Variants in PROCR observed in about 807,000 individuals in gnomAD.
PROCR encodes the protein endothelial protein C receptor.
A neutral mutation model predicts 24.2 loss-of-function variants in PROCR; 22 were observed. The ratio of observed to expected loss-of-function variants is 0.91; its 90% CI spans 0.65 to 1.30. PROCR has a LOEUF of 1.30. Among genes scored for constraint, PROCR ranks in the 50% most tolerant of loss-of-function variants. The pLI is 0.00. For synonymous variants in PROCR, 137 were observed against 139.2 expected, an observed-to-expected ratio of 0.98 and a Z score of 0.11; for missense variants, 288 against 307.7, an observed-to-expected ratio of 0.94 and a Z score of 0.48.
intron 1 of PROCR, 119 bp downstream of exon 1, chr20:35,172,343 ATC>A (rs2085959541): frequency 1.6e-6 from 2 of 1,268,484 alleles, no homozygotes; most frequent in East Asian, 4.7e-5. Context: ...AGCTGGCTAG[ATC>A]TCTCTACAGG....
chr20:35,176,425 A>G lies in PROCR; in HGVS notation c.580A>G (p.Ile194Val), dbSNP rs1338926717. The G allele has an allele frequency of 1.2e-6, 2 of 1,614,020 alleles. No individual in the cohort carries two copies. Among genetic ancestry groups the G allele is most frequent in the East Asian group, 2.2e-5 (1 of 44,876 alleles). ...CTGTGTGCAGTATGTGCAGAAACATATTTCCGCGGAAAACACGAAAGGTAT... is the reference window on the plus strand; with the variant it reads ...CTGTGTGCAGTATGTGCAGAAACATGTTTCCGCGGAAAACACGAAAGGTAT... ...DTCVQYVQKH[I>V]SAENTKGSQT... The change falls in exon 3 of 4, where the codon ATT (isoleucine) becomes GTT (valine). Residue 194 changes from isoleucine to valine, a missense_variant. Transcript: ENST00000216968.
intron 1 of PROCR, among the ~76,000 whole-genome samples, chr20:35,215,568 T>A (rs1347315872): frequency 1.3e-5 from 2 of 151,786 alleles, no homozygotes; most frequent in Non-Finnish European, 2.9e-5. Context: ...TTCTGAGTAA[T>A]GTTTACAGAA....
At chr20:35,192,564 C>T (rs2086182731) in intron 1 of PROCR, among the ~76,000 whole-genome samples, 1 of 152,102 alleles carries the variant, frequency 6.6e-6, no homozygotes, top group African/African-American at 2.4e-5. Context: ...TTTAGCTTCC[C>T]TATCTTAGTG....
At chr20:35,181,025 C>T (rs1365314181), downstream of PROCR, among the ~76,000 whole-genome samples, 1 of 151,952 alleles carries the variant, frequency 6.6e-6, no homozygotes, top group East Asian at 1.9e-4. Context: ...TGCCACCACG[C>T]CCGGCTAATT....
intron 1 of PROCR, among the ~76,000 whole-genome samples, chr20:35,212,616 T>C (rs549882746): frequency 1.4e-4 from 22 of 152,356 alleles, no homozygotes; most frequent in African/African-American, 5.0e-4. Context: ...TTCTTCCCAG[T>C]GTATTCCTCA....
At chr20:35,211,045 G>A (rs2060361056) in intron 1 of PROCR, among the ~76,000 whole-genome samples, 1 of 152,104 alleles carries the variant, frequency 6.6e-6, no homozygotes, top group South Asian at 2.1e-4. Context: ...CTACAATTAT[G>A]AAGAAAAAGT....
intron 1 of PROCR, among the ~76,000 whole-genome samples, chr20:35,191,933 C>G (rs2086177087): frequency 6.6e-6 from 1 of 152,144 alleles, no homozygotes; most frequent in African/African-American, 2.4e-5. Context: ...CAAAGAAATA[C>G]TCAGGGACCT....
At chr20:35,191,350 T>A (rs2086171902) in intron 1 of PROCR, among the ~76,000 whole-genome samples, 1 of 152,188 alleles carries the variant, frequency 6.6e-6, no homozygotes, top group Admixed American at 6.6e-5. Flanking sequence ...TTGAGTGACT[T>A]CTATGGTTCA....
At chr20:35,178,505 CAG>C (rs2086045275), downstream of PROCR, among the ~76,000 whole-genome samples, 1 of 74,938 alleles carries the variant, frequency 1.3e-5, no homozygotes, top group African/African-American at 8.1e-5. Flanking sequence ...CTTCAAGTCT[CAG>C]TTTTTTTTTT....
At chr20:35,178,234 T>C (rs1436490309), downstream of PROCR, among the ~76,000 whole-genome samples, 1 of 151,404 alleles carries the variant, frequency 6.6e-6, no homozygotes, top group Non-Finnish European at 1.5e-5. Flanking sequence ...TGAAACCCTA[T>C]CTCTACTAAA....
At chr20:35,189,162 C>T (rs991106605) in intron 1 of PROCR, among the ~76,000 whole-genome samples, 6 of 152,032 alleles carry the variant, frequency 3.9e-5, no homozygotes, top group African/African-American at 1.4e-4. Flanking sequence ...CAGGACAGAG[C>T]CATATTTCTC....
chr20:35,184,295 A>C (rs931630524), intron 1 of PROCR, among the ~76,000 whole-genome samples: 27 of 152,298 alleles, frequency 1.8e-4, no homozygotes, highest in Middle Eastern at 3.4e-3. Context: ...CAAAAACATA[A>C]AAGTGGGGAA....
At chr20:35,185,094 C>G (rs2086112911) in intron 1 of PROCR, among the ~76,000 whole-genome samples, 1 of 149,060 alleles carries the variant, frequency 6.7e-6, no homozygotes, top group South Asian at 2.1e-4. Context: ...ATAGACAATT[C>G]TCAAAAGAAG....
chr20:35,188,186 C>T (rs1168359008), intron 1 of PROCR, among the ~76,000 whole-genome samples: 2 of 152,120 alleles, frequency 1.3e-5, no homozygotes, highest in African/African-American at 4.8e-5. Flanking sequence ...CCAACTGTTG[C>T]TGAGGACTGT....
chr20:35,204,278 C>G (rs996693692), intron 1 of PROCR, among the ~76,000 whole-genome samples: 3 of 152,080 alleles, frequency 2.0e-5, no homozygotes, highest in Non-Finnish European at 1.5e-5. Context: ...AAATTTAATT[C>G]ATAGTTTAAA....
chr20:35,213,961 G>C (rs114685307), intron 1 of PROCR, among the ~76,000 whole-genome samples: 3,096 of 150,336 alleles, frequency 0.021, 91 homozygotes, highest in African/African-American at 0.071. Context: ...TGTAGTTCTA[G>C]CTACTTCGGA....
intron 1 of PROCR, 56 bp downstream of exon 1, chr20:35,172,280 C>G: frequency 6.3e-7 from 1 of 1,584,016 alleles, no homozygotes; most frequent in Non-Finnish European, 8.7e-7. Flanking sequence ...CTCAGTCTAT[C>G]TGGGCACATG....
At chr20:35,184,904 C>T (rs4602286) in intron 1 of PROCR, among the ~76,000 whole-genome samples, 93,244 of 151,780 alleles carry the variant, frequency 0.61, 29,888 homozygotes, top group African/African-American at 0.8. Flanking sequence ...AGCTTTTGCA[C>T]GGCAAAAGGA....
At chr20:35,185,756 G>A (rs2086120184) in intron 1 of PROCR, among the ~76,000 whole-genome samples, 1 of 152,024 alleles carries the variant, frequency 6.6e-6, no homozygotes, top group Non-Finnish European at 1.5e-5. Context: ...GGGGGGTGAG[G>A]GATAAAAGAC....
Sources: allele counts gnomAD v4.1 joint callset (sites outside exome capture counted in the v4.1 genomes callset), GRCh38; gene constraint gnomAD v4.1.1; transcripts MANE v1.5; gene names NCBI Gene and HGNC (gene_info 2026-07-23, HGNC 2026-07-21).